CYB5R4: variants seen among roughly 807,000 people sequenced by gnomAD.
CYB5R4 encodes cytochrome b5 reductase 4.
Under a neutral mutation model 70.2 loss-of-function variants are expected in CYB5R4, and 55 were observed. The ratio of observed to expected loss-of-function variants is 0.78; its 90% CI spans 0.63 to 0.98. The LOEUF is 0.98. CYB5R4 is among the 50% of genes least tolerant of loss of function. The pLI is 0.00. For synonymous variants in CYB5R4, 197 were observed against 199.5 expected, an observed-to-expected ratio of 0.99 and a Z score of 0.11; for missense variants, 562 against 612.6, an observed-to-expected ratio of 0.92 and a Z score of 0.87.
intron 3 of CYB5R4, 104 bp from the exon 4 acceptor site, chr6:83,908,905 T>A (rs1344088316): frequency 6.4e-6 from 5 of 785,132 alleles, no homozygotes; most frequent in East Asian, 5.2e-5. Context: ...TTTTTAGGTG[T>A]GTGTTGAGAG....
At chr6:83,888,718 G>A (rs540067550) in intron 2 of CYB5R4, among the ~76,000 whole-genome samples, 1 of 152,210 alleles carries the variant, frequency 6.6e-6, no homozygotes, top group South Asian at 2.1e-4. Flanking sequence ...TCCAAGTGAA[G>A]GAAATGTTGT....
chr6:83,903,245 A>G (rs1344822211), intron 3 of CYB5R4, among the ~76,000 whole-genome samples: 1 of 152,034 alleles, frequency 6.6e-6, no homozygotes. Context: ...GTTGAACTTT[A>G]TGAAATACTT....
chr6:83,919,441 A>G lies in CYB5R4; in HGVS notation c.551A>G (p.Tyr184Cys). The change falls in exon 7 of 16, where the codon TAT becomes TGT. Residue 184 changes from tyrosine (Y) to cysteine (C), a missense_variant. Tyr to Cys is a radical substitution (Grantham distance 194, BLOSUM62 -2). Coordinates refer to ENST00000369681, the MANE Select transcript of CYB5R4 (RefSeq NM_016230.4). ...QTDSLVTIAI[Y>C]TKQKDINLDS... ...GACTCTTTAGTCACCATTGCCATATATACTAAACAGAAGGTAAATATGTCT... is the reference window on the plus strand; with the variant it reads ...GACTCTTTAGTCACCATTGCCATATGTACTAAACAGAAGGTAAATATGTCT... The G allele has an allele frequency of 1.3e-6, 2 of 1,501,430 alleles. No individual in the cohort carries two copies. The highest frequency in any genetic ancestry group is 2.3e-5 in the East Asian group (1 of 42,648). The allele number at this position is 1,501,430 out of a possible 1,614,324, so 93.0% of individuals were successfully genotyped here. A position where few individuals can be genotyped will look rare whatever the true frequency, so the allele number is the denominator to read the frequency against.
rs747743229 is a variant in CYB5R4, at chr6:83,967,054, T to A, written c.*7176T>A. ...AGCATTGCCTTATGCTTTAAGAAAG[T>A]GTTGTACCACATTTGATATCCTGAT... On this transcript the variant is annotated 3_prime_UTR_variant, in exon 16 of 16. Coordinates refer to ENST00000369681, the MANE Select transcript of CYB5R4 (RefSeq NM_016230.4). The A allele has an allele frequency of 6.6e-6, 1 of 152,202 alleles. No individual in the cohort carries two copies. Among genetic ancestry groups the A allele is most frequent in the African/African-American group, 2.4e-5 (1 of 41,440 alleles). 9.4% of individuals were successfully genotyped at this position (152,202 alleles called of 1,614,324 possible). A position where few individuals can be genotyped will look rare whatever the true frequency, so the allele number is the denominator to read the frequency against.
intron 3 of CYB5R4, among the ~76,000 whole-genome samples, chr6:83,899,407 G>A (rs932275144): frequency 2.6e-5 from 4 of 152,144 alleles, no homozygotes; most frequent in African/African-American, 9.7e-5. Flanking sequence ...GTTCATTAGG[G>A]ATATTGGTCT....
At chr6:83,911,536 A>G (rs555535477) in intron 4 of CYB5R4, among the ~76,000 whole-genome samples, 12 of 152,332 alleles carry the variant, frequency 7.9e-5, no homozygotes, top group South Asian at 4.1e-4. Context: ...GCTACAAGAT[A>G]ATTGTAAAAC....
At chr6:83,916,913 A>G (rs1049802719) in intron 5 of CYB5R4, among the ~76,000 whole-genome samples, 1 of 152,122 alleles carries the variant, frequency 6.6e-6, no homozygotes, top group Non-Finnish European at 1.5e-5. Flanking sequence ...CTAACCATTA[A>G]TTTTTGTTCC....
intron 3 of CYB5R4, among the ~76,000 whole-genome samples, chr6:83,894,985 C>T (rs1206878931): frequency 6.6e-6 from 1 of 152,126 alleles, no homozygotes; most frequent in Non-Finnish European, 1.5e-5. Flanking sequence ...TTTGAGAGCA[C>T]TTAGGTGCAT....
At chr6:83,954,865 A>G (rs1367804674) in intron 14 of CYB5R4, among the ~76,000 whole-genome samples, 1 of 151,470 alleles carries the variant, frequency 6.6e-6, no homozygotes, top group Non-Finnish European at 1.5e-5. Context: ...GGCACATGCC[A>G]CCACACCTGG....
At chr6:83,939,021 A>T (rs2099469350) in intron 12 of CYB5R4, among the ~76,000 whole-genome samples, 1 of 151,918 alleles carries the variant, frequency 6.6e-6, no homozygotes. Context: ...TTTTTAGTAG[A>T]GACGGGGTTT....
intron 11 of CYB5R4, 132 bp downstream of exon 11, chr6:83,934,867 C>A: frequency 1.3e-6 from 1 of 799,158 alleles, no homozygotes; most frequent in Non-Finnish European, 1.9e-6. Flanking sequence ...TAGTGATAGT[C>A]AGAATGTAGG....
intron 14 of CYB5R4, among the ~76,000 whole-genome samples, chr6:83,945,340 T>C (rs950742724): frequency 2.6e-5 from 4 of 152,026 alleles, no homozygotes; most frequent in African/African-American, 7.2e-5. Context: ...ATAACGAAAT[T>C]AAGGCAGAAA....
At chr6:83,947,112 A>C (rs1304162876) in intron 14 of CYB5R4, among the ~76,000 whole-genome samples, 1 of 152,178 alleles carries the variant, frequency 6.6e-6, no homozygotes, top group East Asian at 1.9e-4. Flanking sequence ...AATCCTAAGC[A>C]AAAAGAACAA....
At chr6:83,944,175 C>A (rs952386950) in intron 14 of CYB5R4, among the ~76,000 whole-genome samples, 3 of 149,148 alleles carry the variant, frequency 2.0e-5, no homozygotes, top group African/African-American at 7.7e-5. Flanking sequence ...ATGTTAAGGG[C>A]AGCCAGAGAG....
At chr6:83,897,845 G>A (rs1170709523) in intron 3 of CYB5R4, among the ~76,000 whole-genome samples, 3 of 151,994 alleles carry the variant, frequency 2.0e-5, no homozygotes, top group East Asian at 1.9e-4. Flanking sequence ...TGTAGGTTGC[G>A]TGTTCACTCT....
At chr6:83,938,110 G>C (rs1173659476) in intron 12 of CYB5R4, among the ~76,000 whole-genome samples, 1 of 152,170 alleles carries the variant, frequency 6.6e-6, no homozygotes, top group Non-Finnish European at 1.5e-5. Flanking sequence ...GATATGATTA[G>C]TCATCCTTGG....
intron 2 of CYB5R4, among the ~76,000 whole-genome samples, chr6:83,883,804 C>G (rs6913916): frequency 0.15 from 23,410 of 151,908 alleles, 3,530 homozygotes; most frequent in African/African-American, 0.38. Context: ...AAAGTTATAA[C>G]ATTGTATTGT....
At chr6:83,901,073 A>G (rs9449721) in intron 3 of CYB5R4, among the ~76,000 whole-genome samples, 3,831 of 152,164 alleles carry the variant, frequency 0.025, 15 homozygotes, top group African/African-American at 0.087. Flanking sequence ...GGTCTTTACA[A>G]TTTGGCATGT....
At chr6:83,894,613 A>G (rs1388306169) in intron 3 of CYB5R4, among the ~76,000 whole-genome samples, 1 of 152,210 alleles carries the variant, frequency 6.6e-6, no homozygotes, top group Non-Finnish European at 1.5e-5. Flanking sequence ...TAACTTCCCA[A>G]AAACTTAACT....
Sources: gnomAD v4.1 joint callset for allele counts (sites outside exome capture counted in the v4.1 genomes callset) on GRCh38, gnomAD v4.1.1 for gene constraint, MANE v1.5 for transcripts, NCBI Gene and HGNC (gene_info 2026-07-23, HGNC 2026-07-21) for gene names.